The following RBFOX1 variants were observed in gnomAD, a reference collection of about 807,000 sequenced individuals.
RBFOX1 encodes the protein RNA binding fox-1 homolog 1.
RBFOX1 carries 8 observed loss-of-function variants against 57.7 expected under a neutral mutation model. The ratio of observed to expected loss-of-function variants is 0.14; its 90% CI spans 0.08 to 0.25. The LOEUF (loss-of-function observed/expected upper bound fraction) is 0.25. RBFOX1 is among the 10% of genes least tolerant of loss of function. The pLI is 1.00. For synonymous variants in RBFOX1, 326 were observed against 222.4 expected, an observed-to-expected ratio of 1.47 and a Z score of -4.15; for missense variants, 611 against 548.5, an observed-to-expected ratio of 1.11 and a Z score of -1.14.
At chr16:6,487,700 AATATATATATAT>A (rs1277585706) in intron 2 of RBFOX1, among the ~76,000 whole-genome samples, 577 of 15,736 alleles carry the variant, frequency 0.037, 6 homozygotes, top group Admixed American at 0.05. Flanking sequence ...AAAAAAAAAA[AATATATATATAT>A]ATATATATAT....
chr16:5,288,564 A>G (rs1456400413), intron 1 of RBFOX1, among the ~76,000 whole-genome samples: 1 of 151,922 alleles, frequency 6.6e-6, no homozygotes, highest in African/African-American at 2.4e-5. Flanking sequence ...ATTTGCCTCC[A>G]GAGTAGAAGA....
intron 4 of RBFOX1, among the ~76,000 whole-genome samples, chr16:5,993,285 G>A (rs2060433069): frequency 6.6e-6 from 1 of 151,946 alleles, no homozygotes; most frequent in Non-Finnish European, 1.5e-5. Flanking sequence ...TAGCATGTAT[G>A]TGAAAACCAC....
At chr16:5,976,225 C>T (rs2060059937) in intron 4 of RBFOX1, among the ~76,000 whole-genome samples, 1 of 151,942 alleles carries the variant, frequency 6.6e-6, no homozygotes, top group Non-Finnish European at 1.5e-5. Flanking sequence ...GTTCGGTATC[C>T]CAGGACTTTG....
At chr16:7,413,819 C>G (rs923023683) in intron 4 of RBFOX1, among the ~76,000 whole-genome samples, 3 of 152,010 alleles carry the variant, frequency 2.0e-5, no homozygotes, top group Non-Finnish European at 4.4e-5. Flanking sequence ...CTCATGAAGC[C>G]CATGAACTTG....
chr16:6,348,999 A>C (rs1245349317), intron 2 of RBFOX1, among the ~76,000 whole-genome samples: 2 of 152,184 alleles, frequency 1.3e-5, no homozygotes, highest in Non-Finnish European at 2.9e-5. Context: ...TCTTATCTTG[A>C]GATTTGATTC....
At chr16:5,936,429 G>A (rs1049732522) in intron 4 of RBFOX1, among the ~76,000 whole-genome samples, 2 of 152,154 alleles carry the variant, frequency 1.3e-5, no homozygotes, top group African/African-American at 4.8e-5. Flanking sequence ...TGGCCATTAG[G>A]GAGGAATTTT....
intron 3 of RBFOX1, among the ~76,000 whole-genome samples, chr16:6,661,276 C>G (rs908555892): frequency 1.3e-5 from 2 of 152,176 alleles, no homozygotes; most frequent in African/African-American, 4.8e-5. Flanking sequence ...AAAGAGCTCC[C>G]ATGTGCCTAA....
intron 3 of RBFOX1, among the ~76,000 whole-genome samples, chr16:6,940,242 G>A (rs969608393): frequency 2.0e-5 from 3 of 152,108 alleles, no homozygotes; most frequent in African/African-American, 7.2e-5. Context: ...GTTACCTCTG[G>A]CTATCAGAGG....
chr16:6,023,558 G>C (rs920472901), intron 1 of RBFOX1, among the ~76,000 whole-genome samples: 1 of 152,128 alleles, frequency 6.6e-6, no homozygotes, highest in African/African-American at 2.4e-5. Context: ...ATTCCAAGAG[G>C]GAAATCGTAT....
intron 3 of RBFOX1, among the ~76,000 whole-genome samples, chr16:6,976,866 A>T (rs1230537488): frequency 1.5e-4 from 1 of 6,696 alleles, no homozygotes; most frequent in Non-Finnish European, 2.1e-4. Context: ...CATATATATC[A>T]CATATGTCAT....
At chr16:5,402,716 G>T (rs1480619725) in intron 1 of RBFOX1, among the ~76,000 whole-genome samples, 1 of 152,022 alleles carries the variant, frequency 6.6e-6, no homozygotes, top group African/African-American at 2.4e-5. Context: ...AACCTGATGT[G>T]GTTTTAAAGA....
At chr16:6,050,081 C>G (rs1023177485) in intron 1 of RBFOX1, among the ~76,000 whole-genome samples, 6 of 151,518 alleles carry the variant, frequency 4.0e-5, no homozygotes, top group Non-Finnish European at 7.4e-5. Flanking sequence ...CCCTCAGCTT[C>G]CTGAGTAGCT....
At chr16:5,367,798 G>A (rs1285042496) in intron 1 of RBFOX1, among the ~76,000 whole-genome samples, 4 of 152,172 alleles carry the variant, frequency 2.6e-5, no homozygotes, top group Non-Finnish European at 2.9e-5. Context: ...CCCACATCCA[G>A]AAAGTAACAC....
intron 4 of RBFOX1, among the ~76,000 whole-genome samples, chr16:5,926,015 C>A (rs1030252003): frequency 5.3e-5 from 8 of 152,156 alleles, no homozygotes; most frequent in Non-Finnish European, 1.2e-4. Flanking sequence ...AGTCAGACTA[C>A]CCCTCGAGGG....
chr16:5,851,397 C>T (rs1032513451), intron 3 of RBFOX1, among the ~76,000 whole-genome samples: 13 of 152,084 alleles, frequency 8.5e-5, no homozygotes, highest in African/African-American at 1.7e-4. Flanking sequence ...TTCCCTAGAC[C>T]GCCTCTCTCT....
At position 6,035,236 on chromosome 16, in the gene RBFOX1, G is replaced by A. The variant is rs944269679; in HGVS notation, c.-127+15244G>A. On this transcript the variant is annotated intron_variant, in intron 1 of 15. Transcript: ENST00000550418. The stretch of plus-strand genomic sequence containing the variant: ...GCAAAATATGCCGTGGGCATCTGTA[G>A]CATAACACCAGAGACATGTATTTGA... 3.7e-4 allele frequency among the ~76,000 whole-genome samples: 56 copies of A among 152,188 alleles called. 2 individuals are homozygous for A. Among genetic ancestry groups the A allele is most frequent in the Admixed American group, 3.7e-3 (56 of 15,282 alleles).
intron 3 of RBFOX1, among the ~76,000 whole-genome samples, chr16:5,636,010 A>G (rs1297194436): frequency 1.3e-5 from 2 of 152,020 alleles, no homozygotes; most frequent in Non-Finnish European, 2.9e-5. Flanking sequence ...GCAGTTTTAG[A>G]CTAGTCTGGG....
intron 3 of RBFOX1, among the ~76,000 whole-genome samples, chr16:6,821,570 G>T (rs1451013795): frequency 6.6e-6 from 1 of 152,016 alleles, no homozygotes; most frequent in Non-Finnish European, 1.5e-5. Flanking sequence ...CCCCCCAACC[G>T]CTGGTAACCA....
intron 3 of RBFOX1, among the ~76,000 whole-genome samples, chr16:6,864,842 C>G (rs912007609): frequency 7.9e-5 from 12 of 151,832 alleles, no homozygotes; most frequent in African/African-American, 2.9e-4. Flanking sequence ...GGCCATTTCC[C>G]TTTTTTTATC....
Sources: allele counts gnomAD v4.1 joint callset (sites outside exome capture counted in the v4.1 genomes callset), GRCh38; gene constraint gnomAD v4.1.1; transcripts MANE v1.5; gene names NCBI Gene and HGNC (gene_info 2026-07-23, HGNC 2026-07-21).